SLC44A5: variants seen among roughly 807,000 people sequenced by gnomAD.
SLC44A5 encodes the protein choline transporter-like protein 5.
In SLC44A5, 57 loss-of-function variants were observed where a neutral mutation model predicts 101.8. The ratio of observed to expected loss-of-function variants is 0.56; its 90% CI spans 0.45 to 0.70. The LOEUF is 0.70. SLC44A5 is among the 30% of genes least tolerant of loss of function. The pLI is 0.00. For synonymous variants in SLC44A5, 281 were observed against 290.9 expected (o/e 0.97, Z 0.35); for missense variants, 737 against 853.1 (o/e 0.86, Z 1.70).
chr1:75,233,147 T>C (rs1647745355), intron 12 of SLC44A5, among the ~76,000 whole-genome samples: 2 of 152,186 alleles, frequency 1.3e-5, no homozygotes, highest in African/African-American at 2.4e-5. Context: ...GCTCACATTA[T>C]ACCTGATATG....
At chr1:75,446,742 TTCTC>T (rs1278207953) in intron 2 of SLC44A5, among the ~76,000 whole-genome samples, 1 of 152,084 alleles carries the variant, frequency 6.6e-6, no homozygotes, top group Non-Finnish European at 1.5e-5. Context: ...CATGACTAAA[TTCTC>T]TCTTTCTATT....
intron 2 of SLC44A5, among the ~76,000 whole-genome samples, chr1:75,535,264 A>G (rs1419937891): frequency 6.6e-6 from 1 of 152,118 alleles, no homozygotes; most frequent in East Asian, 1.9e-4. Flanking sequence ...CGCCCTGAGA[A>G]GGTGAGCCTG....
chr1:75,221,801 G>A (rs994246787), intron 14 of SLC44A5, among the ~76,000 whole-genome samples: 27 of 152,030 alleles, frequency 1.8e-4, no homozygotes, highest in Non-Finnish European at 2.9e-5. Flanking sequence ...CTGCTAATAC[G>A]TAGACTAAAT....
chr1:75,414,854 C>A lies in SLC44A5; in HGVS notation c.14-18233G>T, dbSNP rs572397036. ...GACAGTGGAAGAGAAAAGGCAGAGA[C>A]AATAGTAAGAAGACTTTATGTGGGG... On this transcript the variant is annotated intron_variant, in intron 2 of 23. Coordinates refer to ENST00000370859, the MANE Select transcript of SLC44A5 (RefSeq NM_001130058.2). 5.3e-5 allele frequency among the ~76,000 whole-genome samples: 8 copies of A among 152,256 alleles called. No individual in the cohort carries two copies. The South Asian group carries it at 1.5e-3, about 28-fold the overall frequency.
chr1:75,530,703 C>T (rs972123130), intron 2 of SLC44A5, among the ~76,000 whole-genome samples: 1 of 152,162 alleles, frequency 6.6e-6, no homozygotes, highest in African/African-American at 2.4e-5. Flanking sequence ...AAAAACTAAA[C>T]TTGGGTACTT....
chr1:75,607,013 T>A (rs966986242), intron 1 of SLC44A5, among the ~76,000 whole-genome samples: 1 of 152,050 alleles, frequency 6.6e-6, no homozygotes, highest in African/African-American at 2.4e-5. Flanking sequence ...ATACCACCAA[T>A]GTTCTGATGA....
At chr1:75,581,676 C>T (rs1453957350) in intron 1 of SLC44A5, among the ~76,000 whole-genome samples, 1 of 152,116 alleles carries the variant, frequency 6.6e-6, no homozygotes, top group East Asian at 1.9e-4. Context: ...GGAGGTGGGG[C>T]CTAATGGGAA....
chr1:75,273,669 T>C (rs1651679336), intron 6 of SLC44A5, among the ~76,000 whole-genome samples: 3 of 152,312 alleles, frequency 2.0e-5, no homozygotes, highest in Admixed American at 6.5e-5. Flanking sequence ...GTGTATGTGA[T>C]GTATCACATT....
intron 6 of SLC44A5, among the ~76,000 whole-genome samples, chr1:75,257,558 T>C (rs1420928930): frequency 7.2e-5 from 11 of 151,902 alleles, no homozygotes; most frequent in Non-Finnish European, 2.9e-5. Context: ...AGGAAAAGGG[T>C]GAGAGACCCC....
chr1:75,511,552 T>A (rs1249304329), intron 2 of SLC44A5, among the ~76,000 whole-genome samples: 2 of 152,300 alleles, frequency 1.3e-5, no homozygotes, highest in East Asian at 3.9e-4. Context: ...AAATATCATC[T>A]ATTAAATTTA....
intron 3 of SLC44A5, among the ~76,000 whole-genome samples, chr1:75,377,115 T>C (rs1266186913): frequency 6.6e-6 from 1 of 151,838 alleles, no homozygotes; most frequent in African/African-American, 2.4e-5. Flanking sequence ...GATCAGATTG[T>C]TACTGTGTCT....
intron 2 of SLC44A5, among the ~76,000 whole-genome samples, chr1:75,539,491 G>C (rs1233166049): frequency 6.6e-6 from 1 of 152,102 alleles, no homozygotes; most frequent in Admixed American, 6.6e-5. Flanking sequence ...GTTGTCCTAT[G>C]AGTGAATAAA....
intron 23 of SLC44A5, chr1:75,204,779 C>T (rs998061125): frequency 6.6e-6 from 1 of 152,184 alleles, no homozygotes; most frequent in Non-Finnish European, 1.5e-5. Context: ...TGAGACACCA[C>T]ACATGGCCAA....
chr1:75,224,565 T>A (rs933834454), intron 13 of SLC44A5, among the ~76,000 whole-genome samples: 1 of 150,508 alleles, frequency 6.6e-6, no homozygotes, highest in Non-Finnish European at 1.5e-5. Context: ...GGATAATGTA[T>A]GTATTTGTGT....
At chr1:75,503,671 T>C (rs1447735704) in intron 2 of SLC44A5, among the ~76,000 whole-genome samples, 1 of 152,188 alleles carries the variant, frequency 6.6e-6, no homozygotes, top group Non-Finnish European at 1.5e-5. Context: ...TGTAATCAAA[T>C]TGTCCATTGG....
intron 1 of SLC44A5, among the ~76,000 whole-genome samples, chr1:75,573,898 A>G (rs1673221866): frequency 1.3e-5 from 2 of 152,224 alleles, no homozygotes; most frequent in African/African-American, 4.8e-5. Flanking sequence ...CAGAAATAGC[A>G]CTTGCATCTT....
chr1:75,589,651 G>A (rs1674231575), intron 1 of SLC44A5, among the ~76,000 whole-genome samples: 1 of 152,172 alleles, frequency 6.6e-6, no homozygotes, highest in Admixed American at 6.5e-5. Context: ...ATCACAGAAA[G>A]TGGCACTAAA....
At chr1:75,354,568 C>A (rs1218289785) in intron 3 of SLC44A5, among the ~76,000 whole-genome samples, 1 of 152,204 alleles carries the variant, frequency 6.6e-6, no homozygotes, top group East Asian at 1.9e-4. Context: ...GCCTTTGCAG[C>A]CTCCACACTC....
At chr1:75,709,387 T>G in the SLC44A5 span, among the ~76,000 whole-genome samples, 1 of 152,220 alleles carries the variant, frequency 6.6e-6, no homozygotes, top group South Asian at 2.1e-4. Flanking sequence ...TGATACTCAT[T>G]GTTATGAAAA....
Sources: allele counts gnomAD v4.1 joint callset (sites outside exome capture counted in the v4.1 genomes callset), GRCh38; gene constraint gnomAD v4.1.1; transcripts MANE v1.5; gene names NCBI Gene and HGNC (gene_info 2026-07-23, HGNC 2026-07-21).